Variants in PKD1L3 observed in about 807,000 individuals in gnomAD.
PKD1L3 encodes the protein polycystin-1-like protein 3.
PKD1L3 carries 239 observed loss-of-function variants against 184.1 expected under a neutral mutation model. The ratio of observed to expected loss-of-function variants is 1.30; its 90% confidence interval spans 1.17 to 1.45. The LOEUF is 1.45. PKD1L3 is among the 40% of genes most tolerant of loss of function. The pLI is 0.00. For synonymous variants in PKD1L3, 996 were observed against 778.8 expected, an observed-to-expected ratio of 1.28 and a Z score of -4.64; for missense variants, 2,660 against 2,067.2, an observed-to-expected ratio of 1.29 and a Z score of -5.56.
chr16:71,976,871 T>C (rs572597539), intron 11 of PKD1L3, among the ~76,000 whole-genome samples: 293 of 152,226 alleles, frequency 1.9e-3, no homozygotes, highest in Non-Finnish European at 2.7e-3. Flanking sequence ...GCCTCCCAAA[T>C]AGCTGGGACT....
At position 71,986,517 on chromosome 16, in the gene PKD1L3, A is replaced by T. The variant is rs746981701; in HGVS notation, c.586-48T>A. 3.3e-6 allele frequency: 5 copies of T among 1,508,654 alleles called. No individual in the cohort carries two copies. The South Asian group carries it at 6.4e-5, about 19-fold the overall frequency. The allele number at this position is 1,508,654 out of a possible 1,614,324, so 93.5% of individuals were successfully genotyped here. On this transcript the variant is annotated intron_variant, in intron 4 of 29. Transcript: ENST00000620267. ...GGAAAAGACTGAATCTGATTTTACC[A>T]TTTTATAATTAAGGCAGCATTTCCC...
intron 10 of PKD1L3, 131 bp downstream of exon 10, chr16:71,978,123 CT>C (rs1485187630): frequency 5.3e-6 from 6 of 1,129,106 alleles, no homozygotes; most frequent in Non-Finnish European, 7.3e-6. Flanking sequence ...GTAAAAGTTC[CT>C]AAGATGTTAA....
chr16:71,974,540 G>A (rs1010921377), intron 11 of PKD1L3, among the ~76,000 whole-genome samples: 2 of 152,112 alleles, frequency 1.3e-5, no homozygotes, highest in Non-Finnish European at 2.9e-5. Flanking sequence ...AAATTAGCCA[G>A]GCATGGTGGC....
chr16:71,986,559 C>A, intron 4 of PKD1L3, 90 bp from the exon 5 acceptor site: 1 of 1,389,024 alleles, frequency 7.2e-7, no homozygotes. Flanking sequence ...CTCTGAAACT[C>A]TGTCCTATGA....
At chr16:71,962,598 TA>T (rs1482780000) in intron 16 of PKD1L3, among the ~76,000 whole-genome samples, 1 of 152,066 alleles carries the variant, frequency 6.6e-6, no homozygotes, top group African/African-American at 2.4e-5. Flanking sequence ...GCAGTTCTCC[TA>T]CCTTAGCCTC....
intron 7 of PKD1L3, among the ~76,000 whole-genome samples, 192 bp downstream of exon 7, chr16:71,981,867 C>T (rs1445996822): frequency 1.3e-5 from 2 of 152,054 alleles, no homozygotes; most frequent in Non-Finnish European, 2.9e-5. Context: ...TTGATTACAG[C>T]ACTAGGGAGT....
chr16:71,979,316 T>G (rs992224052), intron 9 of PKD1L3, among the ~76,000 whole-genome samples: 5 of 152,076 alleles, frequency 3.3e-5, no homozygotes, highest in Non-Finnish European at 7.4e-5. Flanking sequence ...TGGTGGCCCA[T>G]GCCTGTAATC....
chr16:71,986,466 T>C lies in PKD1L3; in HGVS notation c.589A>G (p.Lys197Glu), dbSNP rs754474470. 1 of 1,548,916 alleles carries C rather than the reference T, an allele frequency of 6.5e-7. No homozygotes were observed. Among genetic ancestry groups the C allele is most frequent in the South Asian group, 1.2e-5 (1 of 83,648 alleles). The change falls in exon 5 of 30, where the codon AAG becomes GAG. Residue 197 changes from lysine to glutamate, a missense_variant. Transcript: ENST00000620267. ...TGGCTGATGGGATGACACAGGGTCT[T>C]GGACTAAAAGATAAAAATATGTAAA... ...CHYPLPAHLS[K>E]TLCHPISQFP... is the part of the protein sequence containing the mutation.
chr16:71,977,166 T>C (rs2039958114), intron 11 of PKD1L3, 70 bp downstream of exon 11: 7 of 1,168,706 alleles, frequency 6.0e-6, no homozygotes, highest in Non-Finnish European at 8.7e-6. Context: ...TCAACAATGA[T>C]GGTGCCACTG....
intron 5 of PKD1L3, 68 bp downstream of exon 5, chr16:71,986,153 C>G (rs1280963720): frequency 6.6e-7 from 1 of 1,515,558 alleles, no homozygotes; most frequent in African/African-American, 1.4e-5. Flanking sequence ...TGCAGGGAGG[C>G]AAATGGGTGA....
intron 4 of PKD1L3, among the ~76,000 whole-genome samples, chr16:71,988,131 G>C (rs552064419): frequency 1.3e-4 from 20 of 152,258 alleles, no homozygotes; most frequent in Non-Finnish European, 4.4e-5. Context: ...CTGTTGAGAA[G>C]GGTCAGAAAA....
At chr16:71,983,033 A>G (rs1012458034) in intron 6 of PKD1L3, among the ~76,000 whole-genome samples, 1 of 152,258 alleles carries the variant, frequency 6.6e-6, no homozygotes, top group South Asian at 2.1e-4. Context: ...GGGAGGATTC[A>G]TATTTCATGT....
Position 71,954,256 on chromosome 16 carries a change from A to T in PKD1L3, c.2658T>A (p.Tyr886Ter). 2 of 1,549,328 alleles carry T rather than the reference A, an allele frequency of 1.3e-6. No individual in the cohort carries two copies. Among genetic ancestry groups the T allele is most frequent in the Admixed American group, 2.0e-5 (1 of 50,350 alleles). ...SMIVEKFTQD[Y>*]LWLSIATRHP... is the part of the protein sequence containing the mutation. ...GCCGAGTTGCAATTGAAAGCCACAG[A>T]TAATCCTGGGTGAACTTTTCCACAA... Residue 886 changes from tyrosine (Y) to a stop codon, truncating the protein, a stop_gained, in exon 17 of 30, where the codon TAT becomes TAA. Coordinates refer to ENST00000620267, the MANE Select transcript of PKD1L3 (RefSeq NM_181536.2). LOFTEE classifies it high-confidence loss of function.
At chr16:71,964,421 C>G (rs567302688) in intron 15 of PKD1L3, among the ~76,000 whole-genome samples, 1 of 138,834 alleles carries the variant, frequency 7.2e-6, no homozygotes, top group African/African-American at 2.7e-5. Context: ...TCACTGCAAC[C>G]TCCACCTCCC....
intron 15 of PKD1L3, among the ~76,000 whole-genome samples, chr16:71,966,632 A>G (rs562887310): frequency 4.6e-5 from 7 of 151,916 alleles, no homozygotes; most frequent in African/African-American, 1.2e-4. Flanking sequence ...GGGTCTTCCT[A>G]TGTAGCTCAG....
chr16:71,973,565 C>T, intron 11 of PKD1L3, 48 bp from the exon 12 acceptor site: 1 of 1,452,290 alleles, frequency 6.9e-7, no homozygotes, highest in Non-Finnish European at 9.4e-7. Flanking sequence ...GGAACAAAAA[C>T]ACCAATGAAC....
chr16:71,929,693 C>G lies in PKD1L3; in HGVS notation c.5059-15G>C. ...GCAGCTTCTTTCTGAGTATTGAAGA[C>G]AAAAAGAGAAAAGTGAGAAAATTGA... On this transcript the variant is annotated splice_polypyrimidine_tract_variant and intron_variant, in intron 29 of 29. Transcript: ENST00000620267. 6.6e-7 allele frequency: 1 copy of G among 1,512,760 alleles called. No individual in the cohort carries two copies. Among genetic ancestry groups the G allele is most frequent in the Non-Finnish European group, 8.8e-7 (1 of 1,131,146 alleles). 93.7% of individuals were successfully genotyped at this position (1,512,760 alleles called of 1,614,324 possible). A position where few individuals can be genotyped will look rare whatever the true frequency, so the allele number is the denominator to read the frequency against.
At chr16:71,960,795 T>C (rs1470970314) in intron 16 of PKD1L3, among the ~76,000 whole-genome samples, 1 of 152,110 alleles carries the variant, frequency 6.6e-6, no homozygotes, top group East Asian at 1.9e-4. Flanking sequence ...CAATGGTATA[T>C]GCCTGTAATC....
chr16:71,961,738 C>A lies in PKD1L3; in HGVS notation c.2612+1467G>T, dbSNP rs905063587. Among the ~76,000 whole-genome samples the A allele has an allele frequency of 3.3e-5, 5 of 152,282 alleles. No homozygotes were observed. The South Asian group carries it at 8.3e-4, about 25-fold the overall frequency. On this transcript the variant is annotated intron_variant, in intron 16 of 29. Coordinates refer to ENST00000620267, the MANE Select transcript of PKD1L3 (RefSeq NM_181536.2). ...GGAAAACTCCCCAGCCATGGCCTCA[C>A]TGAATTTCTGACCCACAAAACCAGG...
Sources: gnomAD v4.1 joint callset for allele counts (sites outside exome capture counted in the v4.1 genomes callset) on GRCh38, gnomAD v4.1.1 for gene constraint, MANE v1.5 for transcripts, NCBI Gene and HGNC (gene_info 2026-07-23, HGNC 2026-07-21) for gene names.